MAP3K14: variants seen among roughly 807,000 people sequenced by gnomAD.
The protein encoded by MAP3K14 is NF-kappa-beta-inducing kinase.
Under a neutral mutation model 99.2 loss-of-function variants are expected in MAP3K14, and 16 were observed. That is an observed-to-expected ratio of 0.16 (90% confidence interval 0.11 to 0.24). The LOEUF is 0.24. MAP3K14 is among the 10% of genes least tolerant of loss of function. The probability of loss-of-function intolerance (pLI) is 1.00; values close to 1 mark genes in which losing one functional copy is unlikely to be tolerated. For synonymous variants in MAP3K14, 462 were observed against 492.4 expected, an observed-to-expected ratio of 0.94 and a Z score of 0.82; for missense variants, 784 against 1,208.7, an observed-to-expected ratio of 0.65 and a Z score of 5.21.
chr17:45,280,826 G>T (rs945485502), intron 6 of MAP3K14, among the ~76,000 whole-genome samples: 6 of 151,842 alleles, frequency 4.0e-5, no homozygotes, highest in African/African-American at 1.5e-4. Flanking sequence ...GGCCAGGCTG[G>T]TCTCGAACTC....
rs563987219 is a variant in MAP3K14 at position 45,284,899 on chromosome 17, C to T, written c.1203G>A (p.Thr401=). ...YEYREEVHWA[T]HQLRLGRGSF... is the part of the protein sequence containing the mutation. ...AGCCTCTGCCCAGGCGGAGCTGGTG[C>T]GTGGCCCAGTGGACTTCTTCTCGGT... The change falls in exon 6 of 16, where the codon ACG becomes ACA. Residue 401 remains threonine, a synonymous_variant. Transcript: ENST00000344686. 34 of 1,559,400 alleles carry T rather than the reference C, an allele frequency of 2.2e-5. No homozygotes were observed. The Admixed American group carries it at 4.6e-4, about 21-fold the overall frequency.
chr17:45,279,340 T>C (rs1019679463), intron 6 of MAP3K14, among the ~76,000 whole-genome samples: 7 of 152,216 alleles, frequency 4.6e-5, no homozygotes, highest in African/African-American at 1.7e-4. Context: ...TTGGTCAGGC[T>C]GGTCTCGAAC....
chr17:45,290,482 G>A lies in MAP3K14; in HGVS notation c.256+8C>T. 6.2e-7 allele frequency: 1 copy of A among 1,613,638 alleles called. No individual in the cohort carries two copies. The highest frequency in any genetic ancestry group is 8.5e-7 in the Non-Finnish European group (1 of 1,179,812). ...TGCCCCGTGCCCACAACAACCCTAG[G>A]CCCCTACACTCAGCCTGGGCGATGA... On this transcript the variant is annotated splice_region_variant and intron_variant, in intron 2 of 15. Transcript: ENST00000344686.
At position 45,267,816 on chromosome 17, in the gene MAP3K14, C is replaced by T; in HGVS notation, c.1973-57G>A. The T allele has an allele frequency of 6.8e-7, 1 of 1,478,648 alleles. No homozygotes were observed. Among genetic ancestry groups the T allele is most frequent in the Non-Finnish European group, 9.2e-7 (1 of 1,084,374 alleles). The allele number at this position is 1,478,648 out of a possible 1,614,324, so 91.6% of individuals were successfully genotyped here. On this transcript the variant is annotated intron_variant, in intron 11 of 15. Transcript: ENST00000344686. The surrounding 1 kb of genome is among the most constrained non-coding windows in gnomAD (Gnocchi z 5.1). The stretch of plus-strand genomic sequence containing the variant: ...AGCGTGCTGTGCACAGACAGCGGTC[C>T]AGGCAGGAGCGGCCTCTCCTGAGTG...
chr17:45,267,841 G>A lies in MAP3K14; in HGVS notation c.1973-82C>T. 1 of 1,214,786 alleles carries A rather than the reference G, an allele frequency of 8.2e-7. No individual in the cohort carries two copies. Among genetic ancestry groups the A allele is most frequent in the South Asian group, 1.3e-5 (1 of 76,310 alleles). The allele number at this position is 1,214,786 out of a possible 1,614,324, so 75.3% of individuals were successfully genotyped here. ...CAGGCAGGAGCGGCCTCTCCTGAGT[G>A]CAGAAGGGCTAGAGGCAAACAAAGG... On this transcript the variant is annotated intron_variant, in intron 11 of 15. Coordinates refer to ENST00000344686, the MANE Select transcript of MAP3K14 (RefSeq NM_003954.5). This position sits in a 1 kb window ranked among gnomAD's most constrained non-coding sequence, Gnocchi z 5.1.
rs189317567 is a variant in MAP3K14, at chr17:45,297,968, C to T, written c.-20-7203G>A. Among the ~76,000 whole-genome samples, 105 of 152,236 alleles carry T rather than the reference C, an allele frequency of 6.9e-4. 1 individual carries two copies. The highest frequency in any genetic ancestry group is 2.3e-3 in the African/African-American group (97 of 41,542). ...TCCTGACCTCAGGTGATCTGCCTGC[C>T]TTGGCCTCCTAAAGTGCTGGGATTA... On this transcript the variant is annotated intron_variant, in intron 1 of 15. Transcript: ENST00000344686.
At chr17:45,265,293 G>C (rs181088214) in intron 14 of MAP3K14, 30 bp from the exon 15 acceptor site, 226 of 1,492,690 alleles carry the variant, frequency 1.5e-4, no homozygotes, top group Non-Finnish European at 2.0e-4. Context: ...ATAGTCAGGA[G>C]AGCGGCTGCT....
At chr17:45,295,398 T>C (rs2044339492) in intron 1 of MAP3K14, among the ~76,000 whole-genome samples, 1 of 152,136 alleles carries the variant, frequency 6.6e-6, no homozygotes, top group Non-Finnish European at 1.5e-5. Context: ...ACCGAGGACC[T>C]CTACAAAATC....
In MAP3K14 at chr17:45,267,604, C is replaced by T. The variant is rs752629082; in HGVS notation, c.2128G>A (p.Ala710Thr). 1 of 1,613,084 alleles carries T rather than the reference C, an allele frequency of 6.2e-7. No homozygotes were observed. Among genetic ancestry groups the T allele is most frequent in the Admixed American group, 1.7e-5 (1 of 59,690 alleles). Residue 710 changes from alanine to threonine, a missense_variant, in exon 12 of 16, where the codon GCC becomes ACC. Transcript: ENST00000344686. This position sits in a 1 kb window ranked among gnomAD's most constrained non-coding sequence, Gnocchi z 5.1. Reference protein sequence around the residue: ...PRPAEETTGRAPKLQPPLPPE... With the variant: ...PRPAEETTGRTPKLQPPLPPE... ...GGGAGAGGAGGCTGGAGCTTAGGGG[C>T]TCTGCCTGTTGTCTCCTCAGCTGGC...
chr17:45,303,625 T>C (rs1297336063), intron 1 of MAP3K14, among the ~76,000 whole-genome samples: 1 of 152,010 alleles, frequency 6.6e-6, no homozygotes, highest in South Asian at 2.1e-4. Flanking sequence ...CAAAATTGTA[T>C]ATAGAAAAAA....
At chr17:45,282,085 A>G (rs563139663) in intron 6 of MAP3K14, 1 of 152,068 alleles carries the variant, frequency 6.6e-6, no homozygotes, top group South Asian at 2.1e-4. Flanking sequence ...AGACTTTTGA[A>G]ATTTCTTTTT....
At position 45,270,572 on chromosome 17, in the gene MAP3K14, CA is replaced by C. The variant is rs1183933591; in HGVS notation, c.1822-10del. On this transcript the variant is annotated splice_polypyrimidine_tract_variant and intron_variant, in intron 10 of 15. Coordinates refer to ENST00000344686, the MANE Select transcript of MAP3K14 (RefSeq NM_003954.5). ...GGAGGCTCGCTGGCAATCTGGGGGG[CA>C]AAAGACAACAGGTGAGGCCTGCCTT... is the stretch of plus-strand genomic sequence containing the variant. 2 of 1,541,492 alleles carry C rather than the reference CA, an allele frequency of 1.3e-6. No individual in the cohort carries two copies. Among genetic ancestry groups the C allele is most frequent in the Admixed American group, 4.2e-5 (2 of 48,054 alleles).
intron 1 of MAP3K14, among the ~76,000 whole-genome samples, chr17:45,299,052 T>C (rs146039432): frequency 6.6e-6 from 1 of 152,264 alleles, no homozygotes; most frequent in African/African-American, 2.4e-5. Context: ...CACCAGCAGC[T>C]TGAAGTTGTC....
intron 11 of MAP3K14, among the ~76,000 whole-genome samples, chr17:45,270,186 G>A (rs1474026344): frequency 1.3e-5 from 2 of 152,172 alleles, no homozygotes; most frequent in African/African-American, 2.4e-5. Context: ...AAAGCACTTC[G>A]AGTTTGCGTG....
chr17:45,270,389 C>T, intron 11 of MAP3K14, 24 bp downstream of exon 11: 1 of 1,603,742 alleles, frequency 6.2e-7, no homozygotes, highest in Non-Finnish European at 8.5e-7. Flanking sequence ...CCCCCCGGGT[C>T]AGCCAGCGTG....
chr17:45,268,604 T>G (rs1048250060), intron 11 of MAP3K14: 2 of 152,120 alleles, frequency 1.3e-5, no homozygotes, highest in Non-Finnish European at 2.9e-5. Context: ...GGTCCCATTC[T>G]GTGTCGGGTT....
intron 1 of MAP3K14, among the ~76,000 whole-genome samples, chr17:45,299,035 C>A (rs563271035): frequency 2.0e-5 from 3 of 152,300 alleles, no homozygotes; most frequent in Admixed American, 2.0e-4. Flanking sequence ...TGAGTCAATG[C>A]AGCAATCACC....
At chr17:45,289,446 C>G in intron 2 of MAP3K14, 141 bp from the exon 3 acceptor site, 1 of 660,294 alleles carries the variant, frequency 1.5e-6, no homozygotes, top group South Asian at 1.7e-5. Flanking sequence ...AGTCACCTCC[C>G]CACCAATGCC....
At chr17:45,269,393 A>G (rs1367300494) in intron 11 of MAP3K14, among the ~76,000 whole-genome samples, 1 of 152,098 alleles carries the variant, frequency 6.6e-6, no homozygotes, top group African/African-American at 2.4e-5. Context: ...TAGTAAACAT[A>G]TATTTTATCT....
Sources: gnomAD v4.1 joint callset for allele counts (sites outside exome capture counted in the v4.1 genomes callset) on GRCh38, gnomAD v4.1.1 for gene constraint, Gnocchi (gnomAD v3.1) non-coding constraint, MANE v1.5 for transcripts, NCBI Gene and HGNC (gene_info 2026-07-23, HGNC 2026-07-21) for gene names.